Variants in FRMD4B observed in about 807,000 individuals in gnomAD.
FRMD4B encodes FERM domain-containing protein 4B.
Under a neutral mutation model 141.5 loss-of-function variants are expected in FRMD4B, and 74 were observed. That is an observed-to-expected ratio of 0.52 (90% CI 0.43 to 0.63). The LOEUF (loss-of-function observed/expected upper bound fraction) is 0.63. Among genes scored for constraint, FRMD4B ranks in the 30% least tolerant of loss-of-function variants. The pLI, the probability that FRMD4B is intolerant of heterozygous loss-of-function variation, is 0.00. For missense variants in FRMD4B, 1,366 were observed against 1,253.4 expected, an observed-to-expected ratio of 1.09 and a Z score of -1.36; for synonymous variants, 506 against 467.9, an observed-to-expected ratio of 1.08 and a Z score of -1.05.
At chr3:69,406,918 T>TTTC (rs1379815674) in intron 2 of FRMD4B, among the ~76,000 whole-genome samples, 59 of 150,362 alleles carry the variant, frequency 3.9e-4, no homozygotes, top group African/African-American at 1.3e-3. Context: ...TTAATTTTTT[T>TTTC]TTTTTTTTTG....
intron 1 of FRMD4B, among the ~76,000 whole-genome samples, chr3:69,509,160 C>T (rs1303841709): frequency 1.3e-5 from 2 of 152,138 alleles, no homozygotes; most frequent in African/African-American, 2.4e-5. Context: ...GACATCTCTC[C>T]AGGCCAGACG....
intron 7 of FRMD4B, among the ~76,000 whole-genome samples, chr3:69,238,131 C>G (rs2093358364): frequency 6.6e-6 from 1 of 152,132 alleles, no homozygotes. Flanking sequence ...TTCATGGCAC[C>G]CAAGATGTTG....
chr3:69,208,426 C>T (rs1053692513), intron 11 of FRMD4B, among the ~76,000 whole-genome samples: 8 of 152,128 alleles, frequency 5.3e-5, no homozygotes, highest in African/African-American at 1.9e-4. Flanking sequence ...TCTGGTACTC[C>T]AGACCTCAAG....
intron 1 of FRMD4B, chr3:69,322,846 C>G (rs1266333945): frequency 2.5e-5 from 4 of 159,414 alleles, no homozygotes; most frequent in Non-Finnish European, 5.3e-5. Flanking sequence ...CAATTTTTTC[C>G]CACGTTGGCC....
chr3:69,499,181 G>T (rs1457942379), intron 1 of FRMD4B, among the ~76,000 whole-genome samples: 1 of 152,174 alleles, frequency 6.6e-6, no homozygotes, highest in East Asian at 1.9e-4. Flanking sequence ...GGTGTGGTGA[G>T]AGTGCCCTGA....
chr3:69,243,362 A>G (rs1420158160), intron 7 of FRMD4B, among the ~76,000 whole-genome samples: 40 of 152,202 alleles, frequency 2.6e-4, no homozygotes, highest in Non-Finnish European at 5.9e-5. Flanking sequence ...AAAGCCATGA[A>G]GGCAGATAGC....
At chr3:69,536,588 G>C in intron 1 of FRMD4B, 1 of 777,492 alleles carries the variant, frequency 1.3e-6, no homozygotes, top group South Asian at 1.5e-5. Flanking sequence ...CCACCGGGAA[G>C]CTGCTGCAGC....
chr3:69,541,991 T>A (rs1045101201), intron 1 of FRMD4B, among the ~76,000 whole-genome samples: 2 of 152,002 alleles, frequency 1.3e-5, no homozygotes, highest in African/African-American at 4.8e-5. Context: ...CAAAGCGCCG[T>A]GCCAAGTGCC....
chr3:69,359,869 T>C, intron 1 of FRMD4B, among the ~76,000 whole-genome samples: 1 of 152,172 alleles, frequency 6.6e-6, no homozygotes, highest in East Asian at 1.9e-4. Context: ...CAAAGTTCAT[T>C]CTTGAAATCC....
intron 1 of FRMD4B, among the ~76,000 whole-genome samples, chr3:69,509,762 C>G: frequency 6.6e-6 from 1 of 152,076 alleles, no homozygotes; most frequent in East Asian, 2.0e-4. Flanking sequence ...AACCCTATAT[C>G]AAGCAAATCT....
chr3:69,247,896 G>A (rs2093435216), intron 7 of FRMD4B, among the ~76,000 whole-genome samples: 1 of 152,268 alleles, frequency 6.6e-6, no homozygotes, highest in Middle Eastern at 3.4e-3. Flanking sequence ...TGATCTGCCC[G>A]CCTCAGCCTC....
intron 19 of FRMD4B, among the ~76,000 whole-genome samples, chr3:69,186,818 T>G (rs1460466716): frequency 1.3e-5 from 2 of 152,136 alleles, no homozygotes; most frequent in African/African-American, 4.8e-5. Flanking sequence ...GGATTATAGG[T>G]GTGAGCTGCC....
At chr3:69,284,215 T>C (rs62254060) in intron 5 of FRMD4B, among the ~76,000 whole-genome samples, 31,073 of 151,940 alleles carry the variant, frequency 0.2, 3,478 homozygotes, top group Non-Finnish European at 0.25. Flanking sequence ...TGCAGAACAG[T>C]CTGCCAGAGA....
At chr3:69,334,971 T>G (rs1179771391) in intron 1 of FRMD4B, among the ~76,000 whole-genome samples, 1 of 152,020 alleles carries the variant, frequency 6.6e-6, no homozygotes, top group East Asian at 1.9e-4. Flanking sequence ...CAGACTAATG[T>G]GATGGGGAGA....
At chr3:69,476,553 A>G (rs1706003366) in intron 1 of FRMD4B, among the ~76,000 whole-genome samples, 1 of 152,024 alleles carries the variant, frequency 6.6e-6, no homozygotes, top group Admixed American at 6.6e-5. Context: ...GTTCTGTTCC[A>G]TTGATCTATA....
chr3:69,377,287 T>G (rs1244117310), intron 1 of FRMD4B, among the ~76,000 whole-genome samples: 2 of 152,220 alleles, frequency 1.3e-5, no homozygotes, highest in Non-Finnish European at 2.9e-5. Flanking sequence ...CTGTATGTGT[T>G]AATCACTACT....
chr3:69,461,955 G>A (rs1341306958), intron 1 of FRMD4B, among the ~76,000 whole-genome samples: 1 of 152,166 alleles, frequency 6.6e-6, no homozygotes, highest in Non-Finnish European at 1.5e-5. Flanking sequence ...TTTATACTTA[G>A]TAAGAGGCAG....
At chr3:69,416,092 C>T (rs1704854107) in intron 2 of FRMD4B, among the ~76,000 whole-genome samples, 1 of 152,180 alleles carries the variant, frequency 6.6e-6, no homozygotes, top group Non-Finnish European at 1.5e-5. Context: ...TACCAAGTAG[C>T]TCAAAGCTAA....
intron 2 of FRMD4B, among the ~76,000 whole-genome samples, chr3:69,391,703 C>T (rs1843052): frequency 0.42 from 63,281 of 152,012 alleles, 15,276 homozygotes; most frequent in East Asian, 0.54. Flanking sequence ...GATATTGCTC[C>T]TCTCAGCTCA....
Sources: gnomAD v4.1 joint callset for allele counts (sites outside exome capture counted in the v4.1 genomes callset) on GRCh38, gnomAD v4.1.1 for gene constraint, MANE v1.5 for transcripts, NCBI Gene and HGNC (gene_info 2026-07-23, HGNC 2026-07-21) for gene names.